ABL2: variants seen among roughly 807,000 people sequenced by gnomAD.
The protein encoded by ABL2 is tyrosine-protein kinase ABL2.
Under a neutral mutation model 107.7 loss-of-function variants are expected in ABL2, and 49 were observed. The observed-to-expected ratio is 0.45, with a 90% confidence interval of 0.36 to 0.58. The LOEUF (loss-of-function observed/expected upper bound fraction) is 0.58. ABL2 is among the 20% of genes least tolerant of loss of function. ABL2 has a pLI of 0.00. For missense variants in ABL2, 1,245 were observed against 1,457.0 expected, an observed-to-expected ratio of 0.85 and a Z score of 2.37; for synonymous variants, 549 against 548.6, an observed-to-expected ratio of 1.00 and a Z score of -0.01.
At chr1:179,167,019 A>G (rs1422149386) in intron 1 of ABL2, among the ~76,000 whole-genome samples, 2 of 152,182 alleles carry the variant, frequency 1.3e-5, no homozygotes, top group Non-Finnish European at 2.9e-5. Flanking sequence ...TAAAAATAGA[A>G]CTACCACACG....
intron 1 of ABL2, among the ~76,000 whole-genome samples, chr1:179,135,544 C>A (rs1368142944): frequency 6.6e-6 from 1 of 151,854 alleles, no homozygotes; most frequent in Admixed American, 6.5e-5. Context: ...GCAGCCACCC[C>A]GTCTGGGAAG....
At chr1:179,142,506 G>A (rs895025769) in intron 1 of ABL2, among the ~76,000 whole-genome samples, 1 of 152,168 alleles carries the variant, frequency 6.6e-6, no homozygotes, top group South Asian at 2.1e-4. Flanking sequence ...TTGTCAGGTA[G>A]TAATAGGAGA....
intron 9 of ABL2, among the ~76,000 whole-genome samples, chr1:179,113,571 G>A (rs1032623223): frequency 1.1e-4 from 17 of 152,098 alleles, no homozygotes; most frequent in Admixed American, 9.8e-4. Flanking sequence ...AGACTGAGTC[G>A]GGCAGATCAC....
chr1:179,171,764 T>G (rs1659737786), intron 1 of ABL2, among the ~76,000 whole-genome samples: 1 of 152,190 alleles, frequency 6.6e-6, no homozygotes, highest in South Asian at 2.1e-4. Flanking sequence ...CCTCCCACCT[T>G]GGCCTCCCAG....
At chr1:179,147,688 A>T (rs1221837182) in intron 1 of ABL2, among the ~76,000 whole-genome samples, 1 of 152,172 alleles carries the variant, frequency 6.6e-6, no homozygotes, top group East Asian at 1.9e-4. Flanking sequence ...TACCGAATGG[A>T]ATAATATATT....
chr1:179,221,841 G>C (rs578002510), intron 1 of ABL2: 6 of 234,144 alleles, frequency 2.6e-5, no homozygotes, highest in African/African-American at 9.2e-5. Context: ...CTTTCAAGGT[G>C]TTTCCTCCCT....
At chr1:179,156,697 G>A (rs1173971989) in intron 1 of ABL2, among the ~76,000 whole-genome samples, 3 of 152,096 alleles carry the variant, frequency 2.0e-5, no homozygotes, top group Non-Finnish European at 2.9e-5. Flanking sequence ...TCAACTTGAC[G>A]AAACCCCGTC....
Position 179,101,231 on chromosome 1 carries a change from C to T in ABL2, c.*6487G>A, listed in dbSNP as rs1653060726. On this transcript the variant is annotated 3_prime_UTR_variant, in exon 12 of 12. Coordinates refer to ENST00000502732, the MANE Select transcript of ABL2 (RefSeq NM_007314.4). ...TGGCCTCTCAGCAGTTTCTGCCATT[C>T]CAAGTCAGCTTTGAATCATGACCTG... is the stretch of plus-strand genomic sequence containing the variant. 3 of 224,686 alleles carry T rather than the reference C, an allele frequency of 1.3e-5. No homozygotes were observed. Among genetic ancestry groups the T allele is most frequent in the East Asian group, 1.3e-4 (2 of 15,608 alleles). 13.9% of individuals were successfully genotyped at this position (224,686 alleles called of 1,614,324 possible). A position where few individuals can be genotyped will look rare whatever the true frequency, so the allele number is the denominator to read the frequency against.
Position 179,108,785 on chromosome 1 carries a change from T to C in ABL2, c.2482A>G (p.Arg828Gly). 1.9e-6 allele frequency: 3 copies of C among 1,614,258 alleles called. No homozygotes were observed. The South Asian group carries it at 3.3e-5, about 18-fold the overall frequency. ...TSSQPEENVD[R>G]ANDMLPKKSE... ...TTTTTTGGAAGCATGTCATTGGCCC[T>C]GTCCACATTCTCTTCTGGCTGAGAA... Residue 828 changes from arginine (R) to glycine (G), a missense_variant, in exon 12 of 12, where the codon AGG (arginine) becomes GGG (glycine). By Grantham distance (125) the Arg-to-Gly change is moderately radical. This residue lies in a region of ABL2 where 761 missense variants were observed against 766.4 expected (regional missense o/e 0.99). Transcript: ENST00000502732.
rs773336073 is a variant in ABL2, at chr1:179,126,434, C to T, written c.630G>A (p.Ser210=). ...GATACACACGTCCCTCGTACCTGAG[C>T]GAGATGGACAGCTGCCCAGGGCTAC... ...SESSPGQLSI[S]LRYEGRVYHY... is the part of the protein sequence containing the mutation. Residue 210 remains serine (S), a synonymous_variant, in exon 4 of 12, where the codon TCG becomes TCA. Transcript: ENST00000502732. This position sits in a 1 kb window ranked among gnomAD's most constrained non-coding sequence, Gnocchi z 4.4. 6.2e-6 allele frequency: 10 copies of T among 1,614,054 alleles called. 1 individual carries two copies. Among genetic ancestry groups the T allele is most frequent in the South Asian group, 4.4e-5 (4 of 91,084 alleles).
At position 179,102,895 on chromosome 1, in the gene ABL2, C is replaced by T. The variant is rs1653221638; in HGVS notation, c.*4823G>A. The T allele has an allele frequency of 4.4e-6, 1 of 226,164 alleles. No homozygotes were observed. Among genetic ancestry groups the T allele is most frequent in the East Asian group, 6.4e-5 (1 of 15,652 alleles). 14.0% of individuals were successfully genotyped at this position (226,164 alleles called of 1,614,324 possible). On this transcript the variant is annotated 3_prime_UTR_variant, in exon 12 of 12. Transcript: ENST00000502732. ...TGTCATTTATAACTGGTAGGAAATC[C>T]TAGAAAAGTAATTCCCAAAGTGCAC...
At chr1:179,123,429 T>C (rs1655415725) in intron 4 of ABL2, among the ~76,000 whole-genome samples, 1 of 152,054 alleles carries the variant, frequency 6.6e-6, no homozygotes, top group Non-Finnish European at 1.5e-5. Context: ...TGCTTGAACC[T>C]GGGAGGTGGA....
At chr1:179,219,860 G>C (rs1300008631) in intron 1 of ABL2, among the ~76,000 whole-genome samples, 1 of 152,194 alleles carries the variant, frequency 6.6e-6, no homozygotes, top group Non-Finnish European at 1.5e-5. Context: ...GCAGTGCTTA[G>C]GTTTACAAAA....
chr1:179,165,045 T>C (rs115032571), intron 1 of ABL2, among the ~76,000 whole-genome samples: 48 of 152,338 alleles, frequency 3.2e-4, no homozygotes, highest in African/African-American at 1.1e-3. Context: ...ATGTCTCAAA[T>C]GTATCTTGTG....
chr1:179,167,286 A>C (rs1197150158), intron 1 of ABL2, among the ~76,000 whole-genome samples: 1 of 152,228 alleles, frequency 6.6e-6, no homozygotes, highest in Non-Finnish European at 1.5e-5. Context: ...GAGGGTCATT[A>C]TGTTAAGTGA....
chr1:179,163,904 G>A (rs1381711985), intron 1 of ABL2, among the ~76,000 whole-genome samples: 1 of 152,168 alleles, frequency 6.6e-6, no homozygotes, highest in Non-Finnish European at 1.5e-5. Flanking sequence ...CAAGTTGGAT[G>A]AATCTCAAAG....
intron 3 of ABL2, among the ~76,000 whole-genome samples, chr1:179,127,616 G>A (rs1326502535): frequency 6.6e-6 from 1 of 152,192 alleles, no homozygotes; most frequent in East Asian, 1.9e-4. Context: ...ATAAATAAAT[G>A]CTAATCTAAA....
At chr1:179,137,187 G>T (rs1657115000) in intron 1 of ABL2, among the ~76,000 whole-genome samples, 1 of 152,060 alleles carries the variant, frequency 6.6e-6, no homozygotes, top group East Asian at 1.9e-4. Context: ...TCTATACCAA[G>T]ATAGCCAATT....
At chr1:179,195,051 C>T (rs1056000998) in intron 1 of ABL2, among the ~76,000 whole-genome samples, 2 of 152,058 alleles carry the variant, frequency 1.3e-5, no homozygotes, top group East Asian at 1.9e-4. Flanking sequence ...ATTTTGGGAG[C>T]CTGAGGCAGG....
Sources: gnomAD v4.1 joint callset for allele counts (sites outside exome capture counted in the v4.1 genomes callset) on GRCh38, gnomAD v4.1.1 for gene constraint, gnomAD v4.1.1 regional missense constraint, Gnocchi (gnomAD v3.1) non-coding constraint, MANE v1.5 for transcripts, NCBI Gene and HGNC (gene_info 2026-07-23, HGNC 2026-07-21) for gene names.